DDA1: variants seen among roughly 807,000 people sequenced by gnomAD.
DDA1 encodes DET1 and DDB1 associated 1, also known as DET1- and DDB1-associated protein 1.
Under a neutral mutation model 18.6 loss-of-function variants are expected in DDA1, and 3 were observed. The observed-to-expected ratio is 0.16, with a 90% CI of 0.07 to 0.42. The LOEUF is 0.42. DDA1 is among the 10% of genes least tolerant of loss of function. DDA1 has a pLI of 0.99. For missense variants in DDA1, 105 were observed against 138.2 expected (o/e 0.76, Z 1.20); for synonymous variants, 52 against 54.0 (o/e 0.96, Z 0.17).
rs59808827 is a variant in DDA1, at chr19:17,319,687, G to C, written c.*31G>C. ...TCAACTCCACAGGCGCCTCCTGCCA[G>C]GTCTGCTCCTCGGTCGCCCACCCGC... is the stretch of plus-strand genomic sequence containing the variant. On this transcript the variant is annotated 3_prime_UTR_variant, in exon 5 of 5. Transcript: ENST00000359866. The C allele has an allele frequency of 6.5e-7, 1 of 1,544,154 alleles. No homozygotes were observed. Among genetic ancestry groups the C allele is most frequent in the South Asian group, 1.2e-5 (1 of 83,856 alleles).
At chr19:17,312,084 G>T (rs1014672913) in intron 1 of DDA1, among the ~76,000 whole-genome samples, 8 of 152,210 alleles carry the variant, frequency 5.3e-5, no homozygotes, top group Non-Finnish European at 1.2e-4. Context: ...AACCCTGGGA[G>T]GTGGCCCTGT....
At position 17,314,622 on chromosome 19, in the gene DDA1, C is replaced by T. The variant is rs1289883839; in HGVS notation, c.136+233C>T. On this transcript the variant is annotated intron_variant, in intron 3 of 4. Transcript: ENST00000359866. This position sits in a 1 kb window ranked among gnomAD's most constrained non-coding sequence, Gnocchi z 4.6. ...GCACACGTGGATGCCTGTCCACTCC[C>T]AGCCCCTGGGGACAGCCAGAAACCT... The T allele has an allele frequency of 1.8e-6, 1 of 567,288 alleles. No individual in the cohort carries two copies. The highest frequency in any genetic ancestry group is 3.1e-6 in the Non-Finnish European group (1 of 319,066). 35.1% of individuals were successfully genotyped at this position (567,288 alleles called of 1,614,324 possible).
chr19:17,315,159 ACACACG>A lies in DDA1; in HGVS notation c.136+771_137-769del, dbSNP rs1213501521. ...CATATATATACACACACGTATATAT[ACACACG>A]TGTATATACACACACGTGTATACAC... On this transcript the variant is annotated intron_variant, in intron 3 of 4. Transcript: ENST00000359866. Among the ~76,000 whole-genome samples, 11 of 44,756 alleles carry A rather than the reference ACACACG, an allele frequency of 2.5e-4. 4 individuals are homozygous for A. Among genetic ancestry groups the A allele is most frequent in the African/African-American group, 1.0e-3 (9 of 8,998 alleles). 29.4% of individuals were successfully genotyped at this position (44,756 alleles called of 152,430 possible).
intron 4 of DDA1, among the ~76,000 whole-genome samples, chr19:17,317,597 G>A (rs997065675): frequency 4.0e-5 from 6 of 151,272 alleles, no homozygotes; most frequent in Non-Finnish European, 8.8e-5. Flanking sequence ...TGCCTGAGAG[G>A]CTGACGCAAG....
chr19:17,310,746 C>G (rs2145671183), intron 1 of DDA1, among the ~76,000 whole-genome samples: 1 of 152,144 alleles, frequency 6.6e-6, no homozygotes, highest in East Asian at 1.9e-4. Flanking sequence ...TCCTTGATAC[C>G]TTGGTACAGT....
At chr19:17,318,400 T>G (rs1426755102) in intron 4 of DDA1, among the ~76,000 whole-genome samples, 1 of 151,688 alleles carries the variant, frequency 6.6e-6, no homozygotes, top group Admixed American at 6.6e-5. Context: ...CCTGATTAAT[T>G]TTGTATTTTT....
intron 4 of DDA1, among the ~76,000 whole-genome samples, chr19:17,317,668 T>TA (rs34303101): frequency 0.24 from 23,631 of 97,554 alleles, 2,601 homozygotes; most frequent in African/African-American, 0.32. Context: ...ACTCCATCAC[T>TA]AAAAAAAAAA....
At position 17,314,314 on chromosome 19, in the gene DDA1, C is replaced by A; in HGVS notation, c.85-24C>A. On this transcript the variant is annotated intron_variant, in intron 2 of 4. Coordinates refer to ENST00000359866, the MANE Select transcript of DDA1 (RefSeq NM_024050.6). The surrounding 1 kb of genome is among the most constrained non-coding windows in gnomAD (Gnocchi z 4.6). ...CCCAGGCCCATGCACTCTCCTAACC[C>A]ACCCCTTCTCAACCCTCCTGCAGAA... 10 of 1,614,194 alleles carry A rather than the reference C, an allele frequency of 6.2e-6. No homozygotes were observed. Among genetic ancestry groups the A allele is most frequent in the Non-Finnish European group, 8.5e-6 (10 of 1,180,016 alleles).
intron 3 of DDA1, among the ~76,000 whole-genome samples, chr19:17,315,428 G>GAATATATATATATATATATATA (rs1568354197): frequency 1.4e-5 from 1 of 71,366 alleles, no homozygotes; most frequent in East Asian, 3.1e-4. Context: ...GTGTGTGTGT[G>GAATATATATATATATATATATA]CATATATATA....
chr19:17,311,614 C>G (rs973434550), intron 1 of DDA1, among the ~76,000 whole-genome samples: 1 of 152,150 alleles, frequency 6.6e-6, no homozygotes, highest in Non-Finnish European at 1.5e-5. Context: ...CTTCAGCCAC[C>G]CTGGCCTTGT....
intron 4 of DDA1, among the ~76,000 whole-genome samples, chr19:17,316,498 TG>T (rs2074213562): frequency 6.6e-6 from 1 of 151,872 alleles, no homozygotes; most frequent in African/African-American, 2.4e-5. Flanking sequence ...GAGAATCGCT[TG>T]AACCAGGGAG....
At chr19:17,319,312 C>A (rs141545030) in intron 4 of DDA1, among the ~76,000 whole-genome samples, 244 of 152,324 alleles carry the variant, frequency 1.6e-3, no homozygotes, top group African/African-American at 5.7e-3. Context: ...GCTGCAGGGG[C>A]CTGGGCTGGC....
chr19:17,314,772 C>G lies in DDA1; in HGVS notation c.136+383C>G, dbSNP rs935977241. ...CCCCTCCCTGTCAGATGAGGTCAAG[C>G]GAGAACTCTGGTTCTAAGACAAGTG... On this transcript the variant is annotated intron_variant, in intron 3 of 4. Transcript: ENST00000359866. The surrounding 1 kb of genome is among the most constrained non-coding windows in gnomAD (Gnocchi z 4.6). 1.1e-5 allele frequency: 3 copies of G among 268,894 alleles called. No homozygotes were observed. The allele number at this position is 268,894 out of a possible 1,614,324, so 16.7% of individuals were successfully genotyped here.
intron 3 of DDA1, among the ~76,000 whole-genome samples, chr19:17,315,128 T>TAC (rs1555722579): frequency 2.3e-5 from 2 of 87,432 alleles, no homozygotes; most frequent in African/African-American, 8.0e-5. Flanking sequence ...CACGTATATA[T>TAC]ACACACATAT....
intron 1 of DDA1, among the ~76,000 whole-genome samples, chr19:17,311,819 T>A (rs2074180289): frequency 6.6e-6 from 1 of 152,184 alleles, no homozygotes. Flanking sequence ...GCAGTGGGAC[T>A]GGCACACAGG....
intron 3 of DDA1, among the ~76,000 whole-genome samples, chr19:17,315,386 TATACACACTATATATATACATAC>T: frequency 4.2e-5 from 4 of 96,178 alleles, no homozygotes; most frequent in South Asian, 7.3e-4. Context: ...CACGTATATA[TATACACACTATATATATACATAC>T]GTGTGTGTGT....
At chr19:17,312,329 G>T (rs1358322354) in intron 1 of DDA1, among the ~76,000 whole-genome samples, 4 of 152,184 alleles carry the variant, frequency 2.6e-5, no homozygotes, top group African/African-American at 7.2e-5. Flanking sequence ...GTAAGCAGAT[G>T]ACCTCGCCGG....
intron 1 of DDA1, among the ~76,000 whole-genome samples, chr19:17,312,234 C>T (rs1004376707): frequency 1.3e-5 from 2 of 152,270 alleles, no homozygotes; most frequent in Middle Eastern, 6.8e-3. Context: ...CCACCGGGCC[C>T]TGTGTGAGCC....
chr19:17,317,394 G>A (rs995311387), intron 4 of DDA1, among the ~76,000 whole-genome samples: 30 of 152,168 alleles, frequency 2.0e-4, no homozygotes, highest in Middle Eastern at 3.4e-3. Flanking sequence ...GCGGGTGCCT[G>A]TAGTCCCAGC....
Sources: gnomAD v4.1 joint callset for allele counts (sites outside exome capture counted in the v4.1 genomes callset) on GRCh38, gnomAD v4.1.1 for gene constraint, Gnocchi (gnomAD v3.1) non-coding constraint, MANE v1.5 for transcripts, NCBI Gene and HGNC (gene_info 2026-07-23, HGNC 2026-07-21) for gene names.